ROBO2: variants seen among roughly 807,000 people sequenced by gnomAD.
The protein encoded by ROBO2 is roundabout homolog 2.
In ROBO2, 53 loss-of-function variants were observed where a neutral mutation model predicts 160.8. The observed-to-expected ratio is 0.33, with a 90% CI of 0.26 to 0.41. ROBO2 has a LOEUF of 0.41. Ranked by LOEUF, ROBO2 falls within the 10% of genes least tolerant of loss-of-function variation. ROBO2 has a pLI of 1.00. For synonymous variants in ROBO2, 664 were observed against 611.7 expected (o/e 1.09, Z -1.26); for missense variants, 1,577 against 1,722.4 (o/e 0.92, Z 1.49).
chr3:76,905,007 T>A (rs530670514), intron 2 of ROBO2, among the ~76,000 whole-genome samples: 1 of 152,184 alleles, frequency 6.6e-6, no homozygotes, highest in African/African-American at 2.4e-5. Context: ...TTAGGAAACA[T>A]ACAGGCTACC....
chr3:76,693,698 G>A (rs2092864968), intron 2 of ROBO2, among the ~76,000 whole-genome samples: 1 of 152,110 alleles, frequency 6.6e-6, no homozygotes, highest in African/African-American at 2.4e-5. Context: ...GCCAAAGCCT[G>A]GAGAAACATG....
chr3:75,927,385 C>T (rs1434264439), intron 1 of ROBO2, among the ~76,000 whole-genome samples: 2 of 152,052 alleles, frequency 1.3e-5, no homozygotes, highest in Non-Finnish European at 2.9e-5. Context: ...CAGGATAAGT[C>T]TACTAAAATC....
intron 1 of ROBO2, among the ~76,000 whole-genome samples, chr3:75,921,505 T>C (rs916436468): frequency 2.0e-5 from 3 of 152,126 alleles, no homozygotes; most frequent in African/African-American, 7.2e-5. Flanking sequence ...TTTCTATTTG[T>C]ATTGTTATTG....
chr3:77,644,880 C>CA lies in ROBO2; in HGVS notation c.4113dup (p.Gly1372ArgfsTer6), dbSNP rs1342624563. 3 of 1,613,892 alleles carry CA rather than the reference C, an allele frequency of 1.9e-6. No homozygotes were observed. The African/African-American group carries it at 4.0e-5, about 22-fold the overall frequency. On this transcript the variant is annotated frameshift_variant, in exon 25 of 26. Coordinates refer to ENST00000461745, the Ensembl canonical transcript of ROBO2. LOFTEE classifies it high-confidence loss of function. ...CATAGGATATATGGGCTCCAACAGT[C>CA]AAGGACAGTTTACAGGTGAATTATG...
chr3:76,240,045 G>A (rs989394975), intron 2 of ROBO2, among the ~76,000 whole-genome samples: 8 of 152,144 alleles, frequency 5.3e-5, no homozygotes, highest in African/African-American at 1.9e-4. Context: ...AGTGTGATCA[G>A]GCAGAGCACA....
intron 2 of ROBO2, among the ~76,000 whole-genome samples, chr3:75,961,556 T>C (rs1948910807): frequency 6.6e-6 from 1 of 151,694 alleles, no homozygotes; most frequent in Non-Finnish European, 1.5e-5. Flanking sequence ...TCGATTCTGG[T>C]AAACTTCTTT....
chr3:77,146,849 T>C (rs2077157877), intron 2 of ROBO2, among the ~76,000 whole-genome samples: 1 of 152,066 alleles, frequency 6.6e-6, no homozygotes, highest in South Asian at 2.1e-4. Context: ...GCGCCTGCAG[T>C]CCCAGCTACT....
In ROBO2 at chr3:76,322,164, GTATATA is replaced by G. The variant is rs200388202; in HGVS notation, c.109+384597_109+384602del. On this transcript the variant is annotated intron_variant, in intron 2 of 26. Transcript: ENST00000487694. ...ATTTGAAATGATTTCTACTTCTTCC[GTATATA>G]TATATATATATATATATATATATAT... 7.2e-3 allele frequency among the ~76,000 whole-genome samples: 780 copies of G among 108,090 alleles called. 16 individuals carry two copies. The highest frequency in any genetic ancestry group is 0.034 in the Admixed American group (351 of 10,270). The allele number at this position is 108,090 out of a possible 152,430, so 70.9% of individuals were successfully genotyped here.
chr3:76,411,052 A>G (rs748736854), intron 2 of ROBO2, among the ~76,000 whole-genome samples: 14 of 152,108 alleles, frequency 9.2e-5, no homozygotes, highest in Non-Finnish European at 1.9e-4. Context: ...ATGAATGAAC[A>G]GTACTTGGGG....
intron 2 of ROBO2, among the ~76,000 whole-genome samples, chr3:76,656,201 A>G (rs898982459): frequency 1.3e-5 from 2 of 152,164 alleles, no homozygotes; most frequent in Non-Finnish European, 2.9e-5. Context: ...CCTCATTGAC[A>G]AATGACTGAT....
chr3:76,923,551 A>C (rs1350442118), intron 2 of ROBO2, among the ~76,000 whole-genome samples: 1 of 152,220 alleles, frequency 6.6e-6, no homozygotes, highest in Non-Finnish European at 1.5e-5. Context: ...AAGAAAAGGA[A>C]AATGCTAATG....
At chr3:76,032,335 G>A (rs529367314) in intron 2 of ROBO2, among the ~76,000 whole-genome samples, 3 of 152,034 alleles carry the variant, frequency 2.0e-5, no homozygotes, top group African/African-American at 4.8e-5. Context: ...TTTTTGAGGG[G>A]TTTTTTGTGT....
At chr3:75,987,632 T>C (rs899585765) in intron 2 of ROBO2, among the ~76,000 whole-genome samples, 2 of 151,990 alleles carry the variant, frequency 1.3e-5, no homozygotes, top group African/African-American at 2.4e-5. Context: ...TTGTTCCTGA[T>C]CTTAGAGGTA....
At chr3:76,211,488 T>C (rs1336823131) in intron 2 of ROBO2, among the ~76,000 whole-genome samples, 1 of 152,072 alleles carries the variant, frequency 6.6e-6, no homozygotes, top group Non-Finnish European at 1.5e-5. Context: ...AGAGATTATA[T>C]ATAGGAAACT....
chr3:77,297,216 G>A (rs1333305688), intron 2 of ROBO2, among the ~76,000 whole-genome samples: 1 of 151,986 alleles, frequency 6.6e-6, no homozygotes, highest in Non-Finnish European at 1.5e-5. Context: ...AGTGACCTAG[G>A]GACATTTTTA....
chr3:76,746,920 G>T (rs1560488894), intron 2 of ROBO2, among the ~76,000 whole-genome samples: 1 of 152,042 alleles, frequency 6.6e-6, no homozygotes. Context: ...TTCTGATCCT[G>T]TGTTAGTTTG....
At chr3:76,659,128 A>G (rs1216242879) in intron 2 of ROBO2, among the ~76,000 whole-genome samples, 2 of 151,976 alleles carry the variant, frequency 1.3e-5, no homozygotes, top group Non-Finnish European at 2.9e-5. Flanking sequence ...ACAGGCTTGC[A>G]CTTGAATATT....
chr3:77,469,452 C>A (rs578096478), intron 2 of ROBO2, among the ~76,000 whole-genome samples: 1 of 151,988 alleles, frequency 6.6e-6, no homozygotes, highest in Admixed American at 6.6e-5. Flanking sequence ...CTCAGTCATT[C>A]CCTATGGTAA....
intron 2 of ROBO2, among the ~76,000 whole-genome samples, chr3:77,136,625 C>A (rs2076297979): frequency 6.6e-6 from 1 of 150,852 alleles, no homozygotes; most frequent in South Asian, 2.1e-4. Context: ...CAAGCATGTG[C>A]CACTACACCC....
Sources: allele counts gnomAD v4.1 joint callset (sites outside exome capture counted in the v4.1 genomes callset), GRCh38; gene constraint gnomAD v4.1.1; transcripts MANE v1.5; gene names NCBI Gene and HGNC (gene_info 2026-07-23, HGNC 2026-07-21).